The following DNAH5 variants were observed in gnomAD, a reference collection of about 807,000 sequenced individuals.
The protein encoded by DNAH5 is dynein axonemal heavy chain 5.
Under a neutral mutation model 518.2 loss-of-function variants are expected in DNAH5, and 372 were observed. The observed-to-expected ratio is 0.72, with a 90% CI of 0.66 to 0.78. DNAH5 has a LOEUF of 0.78. Among genes scored for constraint, DNAH5 ranks in the 30% least tolerant of loss-of-function variants. The pLI, the probability that DNAH5 is intolerant of heterozygous loss-of-function variation, is 0.00. For missense variants in DNAH5, 5,523 were observed against 5,687.0 expected, an observed-to-expected ratio of 0.97 and a Z score of 0.93; for synonymous variants, 2,039 against 2,025.9, an observed-to-expected ratio of 1.01 and a Z score of -0.17.
chr5:13,996,294 C>T (rs1581139459), intron 1 of DNAH5, among the ~76,000 whole-genome samples: 2 of 152,126 alleles, frequency 1.3e-5, no homozygotes, highest in Non-Finnish European at 2.9e-5. Context: ...ACACTTAAAC[C>T]ACAGCATTCT....
intron 41 of DNAH5, among the ~76,000 whole-genome samples, chr5:13,819,940 T>G (rs1470331007): frequency 1.3e-5 from 2 of 152,138 alleles, no homozygotes; most frequent in African/African-American, 4.8e-5. Flanking sequence ...GGAAATGGCA[T>G]GGTATGTTGG....
intron 12 of DNAH5, among the ~76,000 whole-genome samples, chr5:13,904,642 G>C (rs1198122050): frequency 6.6e-6 from 1 of 152,008 alleles, no homozygotes; most frequent in Non-Finnish European, 1.5e-5. Flanking sequence ...CAAGTACAGT[G>C]GCTCACACCT....
Position 13,792,015 on chromosome 5 carries a change from T to C in DNAH5, c.8427A>G (p.Ser2809=). Residue 2809 remains serine (S), a synonymous_variant, in exon 50 of 79, where the codon TCA becomes TCG. Transcript: ENST00000265104. ...RVWQGMLNTT[S]EVIKEPNDLL... ...TTACATTTGGTTCCTTGATGACCTC[T>C]GAAGTAGTGTTCAGCATTCCCTGCC... The C allele has an allele frequency of 6.2e-7, 1 of 1,614,000 alleles. No individual in the cohort carries two copies. Among genetic ancestry groups the C allele is most frequent in the South Asian group, 1.1e-5 (1 of 91,072 alleles).
chr5:13,916,194 A>C (rs1242975982), intron 9 of DNAH5, among the ~76,000 whole-genome samples, 154 bp downstream of exon 9: 1 of 151,926 alleles, frequency 6.6e-6, no homozygotes, highest in African/African-American at 2.4e-5. Context: ...CTCTGACATC[A>C]ATTTAATTCT....
intron 1 of DNAH5, among the ~76,000 whole-genome samples, chr5:13,987,853 AC>A (rs1425070358): frequency 1.4e-4 from 21 of 151,842 alleles, no homozygotes; most frequent in South Asian, 2.1e-4. Context: ...AAAAAAAAAA[AC>A]AATTTAATCT....
intron 25 of DNAH5, among the ~76,000 whole-genome samples, chr5:13,866,671 A>G (rs1769301175): frequency 6.6e-6 from 1 of 152,188 alleles, no homozygotes; most frequent in Non-Finnish European, 1.5e-5. Flanking sequence ...GTGGCCTATA[A>G]TCTTAACATT....
At chr5:13,821,689 A>G (rs1456169380) in intron 40 of DNAH5, among the ~76,000 whole-genome samples, 1 of 152,234 alleles carries the variant, frequency 6.6e-6, no homozygotes, top group East Asian at 1.9e-4. Context: ...TTTTTATAAT[A>G]ATCATGTATC....
intron 61 of DNAH5, among the ~76,000 whole-genome samples, chr5:13,756,271 C>G (rs1750986512): frequency 6.6e-6 from 1 of 152,286 alleles, no homozygotes; most frequent in East Asian, 1.9e-4. Context: ...TCATGGAGTC[C>G]TATGGAGGGA....
intron 21 of DNAH5, among the ~76,000 whole-genome samples, chr5:13,881,743 A>C (rs1409755578): frequency 6.6e-6 from 1 of 152,100 alleles, no homozygotes; most frequent in Non-Finnish European, 1.5e-5. Context: ...GAGAGATCTC[A>C]AATACATAAC....
chr5:13,990,899 G>GA (rs1412618125), intron 1 of DNAH5, among the ~76,000 whole-genome samples: 3 of 152,132 alleles, frequency 2.0e-5, no homozygotes, highest in Non-Finnish European at 2.9e-5. Flanking sequence ...AGTGTAACCA[G>GA]AAAAAAGATA....
At chr5:13,985,050 T>C (rs1358832579) in intron 1 of DNAH5, among the ~76,000 whole-genome samples, 1 of 152,128 alleles carries the variant, frequency 6.6e-6, no homozygotes, top group Non-Finnish European at 1.5e-5. Flanking sequence ...AATGATAGAC[T>C]GGATTAAGAA....
Position 13,830,124 on chromosome 5 carries a change from T to G in DNAH5, c.6151A>C (p.Ile2051Leu). Residue 2051 changes from isoleucine (I) to leucine (L), a missense_variant, in exon 37 of 79, where the codon ATT becomes CTT. Physicochemically the swap from Ile to Leu is conservative, Grantham distance 5. Around this residue, in one of 3 missense-constraint regions of DNAH5, gnomAD observed 5,121 missense variants for 5,223.3 expected, o/e 0.98. Transcript: ENST00000265104. ...TGCTCCTTTTTACATGTCAGAATAATGGAAATTTGCTGGGCTGCAACCGAG... is the reference window on the plus strand; with the variant it reads ...TGCTCCTTTTTACATGTCAGAATAAGGGAAATTTGCTGGGCTGCAACCGAG... ...VLSVAAQQIS[I>L]ILTCKKEHKK... is the part of the protein sequence containing the mutation. The G allele has an allele frequency of 6.2e-7, 1 of 1,614,032 alleles. No homozygotes were observed. Among genetic ancestry groups the G allele is most frequent in the South Asian group, 1.1e-5 (1 of 91,074 alleles).
At chr5:13,931,331 T>C (rs1342301591) in intron 1 of DNAH5, 87 bp from the exon 2 acceptor site, 1 of 1,563,948 alleles carries the variant, frequency 6.4e-7, no homozygotes, top group East Asian at 2.2e-5. Context: ...TTGTTGTTTT[T>C]TCAAGTCTTA....
intron 60 of DNAH5, among the ~76,000 whole-genome samples, chr5:13,761,140 G>A (rs983541631): frequency 6.6e-6 from 1 of 152,224 alleles, no homozygotes; most frequent in African/African-American, 2.4e-5. Flanking sequence ...CAAGCTGAAA[G>A]CTGAAATGTG....
rs369249588 is a variant in DNAH5 at position 13,884,952 on chromosome 5, C to G, written c.2983+37G>C. On this transcript the variant is annotated intron_variant, in intron 19 of 78. Transcript: ENST00000265104. ...CACACACATACCCCAGCAACTATGC[C>G]TGATCATCCACTAAGCAAACCACAC... is the stretch of plus-strand genomic sequence containing the variant. 2.4e-5 allele frequency: 38 copies of G among 1,613,462 alleles called. No homozygotes were observed. The African/African-American group carries it at 4.8e-4, about 20-fold the overall frequency.
chr5:13,814,911 T>A lies in DNAH5; in HGVS notation c.6989-65A>T, dbSNP rs1013531335. Reference sequence around the variant, plus strand: ...CTCATGCAGTGCATGTACACATAAGTTTAAAATAGCTTGAAGAACTATTAT... The same window carrying A: ...CTCATGCAGTGCATGTACACATAAGATTAAAATAGCTTGAAGAACTATTAT... On this transcript the variant is annotated intron_variant, in intron 42 of 78. Transcript: ENST00000265104. 8.8e-6 allele frequency: 13 copies of A among 1,477,146 alleles called. No homozygotes were observed. The Admixed American group carries it at 2.0e-4, about 22-fold the overall frequency. The allele number at this position is 1,477,146 out of a possible 1,614,324, so 91.5% of individuals were successfully genotyped here.
chr5:13,854,539 C>T (rs532404926), intron 30 of DNAH5, among the ~76,000 whole-genome samples: 27 of 152,192 alleles, frequency 1.8e-4, no homozygotes, highest in Non-Finnish European at 2.9e-4. Context: ...TAAATGTAAA[C>T]GGGGTAAATG....
intron 12 of DNAH5, among the ~76,000 whole-genome samples, chr5:13,908,150 T>C (rs1450950093): frequency 2.6e-5 from 4 of 152,124 alleles, no homozygotes; most frequent in Non-Finnish European, 5.9e-5. Context: ...TTACAATACT[T>C]CCTTGCCCTC....
chr5:13,860,689 CATTAGGA>C (rs2038012055), intron 29 of DNAH5: 1 of 152,176 alleles, frequency 6.6e-6, no homozygotes. Flanking sequence ...GAACCACCTA[CATTAGGA>C]ATTCTTTTAT....
Sources: gnomAD v4.1 joint callset for allele counts (sites outside exome capture counted in the v4.1 genomes callset) on GRCh38, gnomAD v4.1.1 for gene constraint, gnomAD v4.1.1 regional missense constraint, MANE v1.5 for transcripts, NCBI Gene and HGNC (gene_info 2026-07-23, HGNC 2026-07-21) for gene names.